ADCY2: variants seen among roughly 807,000 people sequenced by gnomAD.
ADCY2 encodes the protein adenylate cyclase type 2.
Under a neutral mutation model 125.2 loss-of-function variants are expected in ADCY2, and 31 were observed. The observed-to-expected ratio is 0.25, with a 90% CI of 0.19 to 0.33. The LOEUF (loss-of-function observed/expected upper bound fraction) is 0.33. ADCY2 is among the 10% of genes least tolerant of loss of function. The pLI is 1.00. For synonymous variants in ADCY2, 512 were observed against 548.4 expected (o/e 0.93, Z 0.93); for missense variants, 904 against 1,418.2 (o/e 0.64, Z 5.82).
intron 4 of ADCY2, among the ~76,000 whole-genome samples, chr5:7,668,364 C>T (rs1739825793): frequency 6.6e-6 from 1 of 152,180 alleles, no homozygotes; most frequent in Non-Finnish European, 1.5e-5. Context: ...CTCATCTGCC[C>T]TGTGGAATCT....
chr5:7,635,921 G>A (rs919638668), intron 4 of ADCY2, among the ~76,000 whole-genome samples: 2 of 152,188 alleles, frequency 1.3e-5, no homozygotes. Context: ...ATGTGGTTGT[G>A]GGTTTTTCCC....
intron 15 of ADCY2, among the ~76,000 whole-genome samples, chr5:7,754,466 G>T (rs1172250354): frequency 1.3e-5 from 2 of 151,644 alleles, no homozygotes; most frequent in African/African-American, 2.4e-5. Context: ...TAATTTCTGT[G>T]TACAGAAATT....
At chr5:7,799,079 T>G (rs2126517702) in intron 20 of ADCY2, 1 of 152,334 alleles carries the variant, frequency 6.6e-6, no homozygotes, top group South Asian at 2.1e-4. Context: ...TTCAACAGAA[T>G]GGTTACATGT....
chr5:7,589,315 G>C (rs1215835026), intron 3 of ADCY2, among the ~76,000 whole-genome samples: 2 of 144,130 alleles, frequency 1.4e-5, no homozygotes, highest in South Asian at 2.3e-4. Context: ...TTCCAATTTT[G>C]TTTTTACAAA....
intron 14 of ADCY2, among the ~76,000 whole-genome samples, chr5:7,736,028 G>C (rs1742240390): frequency 6.6e-6 from 1 of 152,072 alleles, no homozygotes; most frequent in Non-Finnish European, 1.5e-5. Context: ...CAAAACCCCT[G>C]GGCAAAGGGG....
At chr5:7,681,669 T>G (rs1740343127) in intron 4 of ADCY2, among the ~76,000 whole-genome samples, 1 of 152,148 alleles carries the variant, frequency 6.6e-6, no homozygotes, top group Admixed American at 6.5e-5. Flanking sequence ...CCAGCCTGGA[T>G]TGGGCTTGGC....
rs768159892 is a variant in ADCY2 at position 7,789,808 on chromosome 5, CA to C, written c.2628+9del. ...AGGAGCCTGAAGAATGAGGTCAGAC[CA>C]GGGGGGCTGGGGGCTGGGGGAGGGG... On this transcript the variant is annotated intron_variant, in intron 20 of 24. Transcript: ENST00000338316. 26 of 1,251,540 alleles carry C rather than the reference CA, an allele frequency of 2.1e-5. No individual in the cohort carries two copies. The African/African-American group carries it at 3.3e-4, about 16-fold the overall frequency. The allele number at this position is 1,251,540 out of a possible 1,614,324, so 77.5% of individuals were successfully genotyped here. A position where few individuals can be genotyped will look rare whatever the true frequency, so the allele number is the denominator to read the frequency against.
chr5:7,426,877 G>A (rs1039478330), intron 2 of ADCY2, among the ~76,000 whole-genome samples: 3 of 152,104 alleles, frequency 2.0e-5, no homozygotes, highest in Non-Finnish European at 4.4e-5. Flanking sequence ...CTCACCAGGC[G>A]CAGAATTTAG....
At chr5:7,753,177 G>T (rs550715699) in intron 15 of ADCY2, among the ~76,000 whole-genome samples, 1 of 152,128 alleles carries the variant, frequency 6.6e-6, no homozygotes. Context: ...GATTACAGGC[G>T]TGAGCCACAG....
chr5:7,644,410 C>G (rs1442964138), intron 4 of ADCY2, among the ~76,000 whole-genome samples: 1 of 152,056 alleles, frequency 6.6e-6, no homozygotes. Flanking sequence ...TTGGAGACAC[C>G]GTTTCTATTC....
rs78079562 is a variant in ADCY2, at chr5:7,452,247, C to T, written c.408+37477C>T. Among the ~76,000 whole-genome samples, 195 of 152,214 alleles carry T rather than the reference C, an allele frequency of 1.3e-3. 1 individual carries two copies. The highest frequency in any genetic ancestry group is 4.2e-3 in the African/African-American group (176 of 41,548). On this transcript the variant is annotated intron_variant, in intron 2 of 24. Coordinates refer to ENST00000338316, the MANE Select transcript of ADCY2 (RefSeq NM_020546.3). ...TAGTTTTTTAATCCCTCATCCTCCT[C>T]CTGCCCTCCCCATTTCTGAGTTTCC... is the stretch of plus-strand genomic sequence containing the variant.
At chr5:7,718,897 A>G (rs1038152799) in intron 12 of ADCY2, among the ~76,000 whole-genome samples, 3 of 152,210 alleles carry the variant, frequency 2.0e-5, no homozygotes, top group African/African-American at 7.2e-5. Flanking sequence ...TCACTGAAGC[A>G]GAGGAAATAG....
intron 4 of ADCY2, among the ~76,000 whole-genome samples, chr5:7,676,505 TCAA>T (rs1318542240): frequency 2.2e-5 from 2 of 90,324 alleles, no homozygotes; most frequent in Non-Finnish European, 4.9e-5. Context: ...TGACAAAACA[TCAA>T]CATGAATTAA....
intron 2 of ADCY2, among the ~76,000 whole-genome samples, chr5:7,428,871 G>T (rs1417484301): frequency 6.6e-6 from 1 of 152,206 alleles, no homozygotes; most frequent in Non-Finnish European, 1.5e-5. Context: ...TCTGGAGAGA[G>T]TCCGTGGGCT....
At chr5:7,431,017 GA>G (rs1439073096) in intron 2 of ADCY2, among the ~76,000 whole-genome samples, 1 of 152,042 alleles carries the variant, frequency 6.6e-6, no homozygotes, top group African/African-American at 2.4e-5. Flanking sequence ...AATCCTAATT[GA>G]AGTCCCAGCA....
intron 2 of ADCY2, among the ~76,000 whole-genome samples, chr5:7,463,404 T>C (rs1741986504): frequency 6.6e-6 from 1 of 152,158 alleles, no homozygotes; most frequent in African/African-American, 2.4e-5. Flanking sequence ...TGTTTCTTTT[T>C]TGCGCTTGTG....
chr5:7,754,148 G>A (rs1016820812), intron 15 of ADCY2, among the ~76,000 whole-genome samples: 3 of 152,068 alleles, frequency 2.0e-5, no homozygotes, highest in East Asian at 1.9e-4. Context: ...CATGTCACAC[G>A]AACAGAAAAA....
At chr5:7,716,017 C>T (rs1183974380) in intron 11 of ADCY2, among the ~76,000 whole-genome samples, 1 of 152,146 alleles carries the variant, frequency 6.6e-6, no homozygotes, top group Non-Finnish European at 1.5e-5. Context: ...TTAATCTTTG[C>T]AGTGGATATT....
At chr5:7,636,152 A>G (rs1048272447) in intron 4 of ADCY2, among the ~76,000 whole-genome samples, 12 of 152,252 alleles carry the variant, frequency 7.9e-5, no homozygotes, top group Admixed American at 3.3e-4. Context: ...GAGGCAACTC[A>G]TCAGAACCCA....
Sources: gnomAD v4.1 joint callset for allele counts (sites outside exome capture counted in the v4.1 genomes callset) on GRCh38, gnomAD v4.1.1 for gene constraint, MANE v1.5 for transcripts, NCBI Gene and HGNC (gene_info 2026-07-23, HGNC 2026-07-21) for gene names.